PARPBP: variants seen among roughly 807,000 people sequenced by gnomAD.
PARPBP encodes PARP1 binding protein.
A neutral mutation model predicts 50.0 loss-of-function variants in PARPBP; 52 were observed. The ratio of observed to expected loss-of-function variants is 1.04; its 90% CI spans 0.83 to 1.31. The LOEUF is 1.31. PARPBP is among the 50% of genes most tolerant of loss of function. The pLI is 0.00. For missense variants in PARPBP, 697 were observed against 672.0 expected (o/e 1.04, Z -0.41); for synonymous variants, 244 against 232.1 (o/e 1.05, Z -0.47).
chr12:102,139,339 C>A (rs1884183479), intron 2 of PARPBP, among the ~76,000 whole-genome samples: 1 of 152,116 alleles, frequency 6.6e-6, no homozygotes, highest in African/African-American at 2.4e-5. Flanking sequence ...GATTTTGTAT[C>A]CTGAGACTGC....
intron 3 of PARPBP, among the ~76,000 whole-genome samples, chr12:102,149,677 C>G (rs1188677590): frequency 1.3e-5 from 2 of 152,180 alleles, no homozygotes; most frequent in Non-Finnish European, 2.9e-5. Flanking sequence ...AACAAAAGCT[C>G]TATTACTAGG....
intron 2 of PARPBP, among the ~76,000 whole-genome samples, chr12:102,125,173 A>G (rs1881790642): frequency 6.6e-6 from 1 of 152,206 alleles, no homozygotes; most frequent in Non-Finnish European, 1.5e-5. Flanking sequence ...TGTGTGTTAG[A>G]CATCATTGTA....
At chr12:102,179,410 A>G (rs891177439) in intron 8 of PARPBP, among the ~76,000 whole-genome samples, 48 of 152,356 alleles carry the variant, frequency 3.2e-4, no homozygotes, top group African/African-American at 1.1e-3. Flanking sequence ...GCATAACAAA[A>G]TACTACAGAC....
intron 6 of PARPBP, among the ~76,000 whole-genome samples, chr12:102,167,895 A>G (rs894803615): frequency 2.0e-4 from 30 of 152,112 alleles, no homozygotes; most frequent in Non-Finnish European, 1.5e-4. Flanking sequence ...AGTGTTCCTT[A>G]TGGAGACTGT....
chr12:102,150,279 G>A (rs368817738), intron 3 of PARPBP: 78 of 454,440 alleles, frequency 1.7e-4, no homozygotes, highest in African/African-American at 1.1e-3. Context: ...TTTCCAGTGC[G>A]GGGAAAAAGT....
chr12:102,164,721 C>A, intron 5 of PARPBP, 113 bp downstream of exon 5: 1 of 829,994 alleles, frequency 1.2e-6, no homozygotes, highest in Non-Finnish European at 2.0e-6. Flanking sequence ...TTATGTTCTA[C>A]CTCTGTATTT....
rs151156923 is a variant in PARPBP, at chr12:102,131,565, A to C, written c.153+7524A>C. Among the ~76,000 whole-genome samples the C allele has an allele frequency of 2.0e-3, 312 of 152,344 alleles. 3 individuals are homozygous for C. The highest frequency in any genetic ancestry group is 6.9e-3 in the African/African-American group (287 of 41,580). On this transcript the variant is annotated intron_variant, in intron 2 of 10. Transcript: ENST00000327680. ...GTAGGTTTATTGCAGTGCTATTGACAGAAGCAAAGATTTGGAATCAACCTA... is the reference window on the plus strand; with the variant it reads ...GTAGGTTTATTGCAGTGCTATTGACCGAAGCAAAGATTTGGAATCAACCTA...
At chr12:102,150,434 T>G (rs1341846576) in intron 3 of PARPBP, 3 of 336,592 alleles carry the variant, frequency 8.9e-6, no homozygotes, top group African/African-American at 4.5e-5. Context: ...ATAATCCTGA[T>G]AAAGTTTCTT....
intron 6 of PARPBP, among the ~76,000 whole-genome samples, chr12:102,167,300 CAT>C (rs1183159891): frequency 2.6e-5 from 4 of 152,132 alleles, no homozygotes; most frequent in South Asian, 2.1e-4. Context: ...GATTTTATGT[CAT>C]GTTTCATTTA....
At chr12:102,173,723 C>A (rs1429437412) in intron 6 of PARPBP, among the ~76,000 whole-genome samples, 1 of 151,808 alleles carries the variant, frequency 6.6e-6, no homozygotes, top group Non-Finnish European at 1.5e-5. Flanking sequence ...TTCCACCTTG[C>A]TGCTATCCCT....
rs1891323292 is a variant in PARPBP, at chr12:102,196,440, A to G, written c.*149A>G. ...GGTTAGTATGTTAAGCATTGTTTAA[A>G]AATACTAGTAAGTCATAATTATGCA... On this transcript the variant is annotated 3_prime_UTR_variant, in exon 11 of 11. Coordinates refer to ENST00000327680, the MANE Select transcript of PARPBP (RefSeq NM_017915.5). 5 of 714,350 alleles carry G rather than the reference A, an allele frequency of 7.0e-6. No homozygotes were observed. In the Admixed American group the frequency reaches 1.4e-4, roughly 19 times the overall value. 44.3% of individuals were successfully genotyped at this position (714,350 alleles called of 1,614,324 possible).
intron 4 of PARPBP, among the ~76,000 whole-genome samples, chr12:102,162,074 T>G (rs1029275757): frequency 2.2e-4 from 33 of 152,314 alleles, no homozygotes; most frequent in African/African-American, 7.5e-4. Flanking sequence ...AATTGTTTTT[T>G]GCATGGGAAC....
At chr12:102,126,204 T>C (rs1881965640) in intron 2 of PARPBP, among the ~76,000 whole-genome samples, 1 of 152,142 alleles carries the variant, frequency 6.6e-6, no homozygotes, top group Admixed American at 6.5e-5. Context: ...TTTTGGACTC[T>C]CCTTTGTCTT....
At chr12:102,159,710 C>G (rs1424952376) in intron 4 of PARPBP, among the ~76,000 whole-genome samples, 2 of 151,684 alleles carry the variant, frequency 1.3e-5, no homozygotes, top group East Asian at 1.9e-4. Context: ...AAAAAATCTA[C>G]TAAGTATCTT....
chr12:102,164,091 G>T (rs1286009778), intron 4 of PARPBP, among the ~76,000 whole-genome samples: 1 of 152,118 alleles, frequency 6.6e-6, no homozygotes, highest in African/African-American at 2.4e-5. Context: ...GTGTTTTCGT[G>T]CTAGTGGGCA....
intron 9 of PARPBP, among the ~76,000 whole-genome samples, chr12:102,184,162 T>C (rs1890102826): frequency 6.6e-6 from 1 of 152,074 alleles, no homozygotes; most frequent in African/African-American, 2.4e-5. Flanking sequence ...TTATTTTATT[T>C]ACTTTTATTA....
intron 2 of PARPBP, among the ~76,000 whole-genome samples, chr12:102,143,259 T>G (rs529066078): frequency 1.3e-5 from 2 of 152,290 alleles, no homozygotes; most frequent in South Asian, 4.1e-4. Flanking sequence ...TGAGTGAGGC[T>G]CTTGTGGGCG....
chr12:102,148,204 T>A (rs1264175944), intron 2 of PARPBP, 26 bp from the exon 3 acceptor site: 4 of 970,136 alleles, frequency 4.1e-6, no homozygotes, highest in Non-Finnish European at 4.6e-6. Flanking sequence ...CTTTATTTTT[T>A]TTTTTTTTGG....
chr12:102,164,772 G>T, intron 5 of PARPBP, 164 bp downstream of exon 5: 2 of 640,106 alleles, frequency 3.1e-6, no homozygotes, highest in South Asian at 1.9e-5. Context: ...TATCGTTCAA[G>T]TTTGGTAAAG....
Sources: allele counts gnomAD v4.1 joint callset (sites outside exome capture counted in the v4.1 genomes callset), GRCh38; gene constraint gnomAD v4.1.1; transcripts MANE v1.5; gene names NCBI Gene and HGNC (gene_info 2026-07-23, HGNC 2026-07-21).